The following ST14 variants were observed in gnomAD, a reference collection of about 807,000 sequenced individuals.
The protein encoded by ST14 is suppressor of tumorigenicity 14 protein.
In ST14, 40 loss-of-function variants were observed where a neutral mutation model predicts 96.5. The ratio of observed to expected loss-of-function variants is 0.41; its 90% CI spans 0.32 to 0.54. ST14 has a LOEUF of 0.54. Ranked by LOEUF, ST14 falls within the 20% of genes least tolerant of loss-of-function variation. The probability of loss-of-function intolerance (pLI) is 0.17; values close to 1 mark genes in which losing one functional copy is unlikely to be tolerated. For missense variants in ST14, 1,066 were observed against 1,188.9 expected (o/e 0.90, Z 1.52); for synonymous variants, 506 against 492.1 (o/e 1.03, Z -0.37).
intron 14 of ST14, 138 bp from the exon 15 acceptor site, chr11:130,198,809 A>G: frequency 6.4e-7 from 1 of 1,558,604 alleles, no homozygotes; most frequent in Non-Finnish European, 8.8e-7. Flanking sequence ...CAGGGCAGGG[A>G]GGCCAGTGGG....
At chr11:130,164,718 CTTATTATTATTATTA>C (rs57338069) in intron 1 of ST14, among the ~76,000 whole-genome samples, 6 of 141,590 alleles carry the variant, frequency 4.2e-5, no homozygotes, top group African/African-American at 8.2e-5. Flanking sequence ...CACACCCAGC[CTTATTATTATTATTA>C]TTATTATTAT....
At chr11:130,197,785 G>A in intron 11 of ST14, 56 bp from the exon 12 acceptor site, 1 of 1,441,678 alleles carries the variant, frequency 6.9e-7, no homozygotes, top group Non-Finnish European at 9.4e-7. Flanking sequence ...GGAGCCGGGA[G>A]CCAGCGGAGG....
At chr11:130,206,861 C>T (rs1221205253) in intron 16 of ST14, among the ~76,000 whole-genome samples, 1 of 152,152 alleles carries the variant, frequency 6.6e-6, no homozygotes, top group African/African-American at 2.4e-5. Flanking sequence ...AGCCACCATG[C>T]CCGGCCAGGG....
chr11:130,191,425 C>T (rs766805649), intron 7 of ST14, among the ~76,000 whole-genome samples: 4 of 152,124 alleles, frequency 2.6e-5, no homozygotes, highest in Non-Finnish European at 4.4e-5. Flanking sequence ...CATGGTGGCT[C>T]ACGCCTGTAA....
In ST14 at chr11:130,188,680, C is replaced by A; in HGVS notation, c.369+23C>A. 6.2e-7 allele frequency: 1 copy of A among 1,614,086 alleles called. No homozygotes were observed. Among genetic ancestry groups the A allele is most frequent in the East Asian group, 2.2e-5 (1 of 44,882 alleles). On this transcript the variant is annotated intron_variant, in intron 3 of 18. Transcript: ENST00000278742. This position sits in a 1 kb window ranked among gnomAD's most constrained non-coding sequence, Gnocchi z 5.4. ...GCGGTGAGTGCAGCCTGCCCAGAGT[C>A]CTGCTGGGCTGTGTGCGCTGGTGTC...
intron 7 of ST14, 145 bp downstream of exon 7, chr11:130,190,839 T>A: frequency 8.9e-7 from 1 of 1,124,156 alleles, no homozygotes; most frequent in Non-Finnish European, 1.2e-6. Context: ...GCACGTGTGG[T>A]GTGATCCTCA....
At position 130,190,672 on chromosome 11, in the gene ST14, A is replaced by G. The variant is rs1346095126; in HGVS notation, c.853A>G (p.Met285Val). 6.3e-7 allele frequency: 1 copy of G among 1,596,058 alleles called. No individual in the cohort carries two copies. The highest frequency in any genetic ancestry group is 8.5e-7 in the Non-Finnish European group (1 of 1,172,224). Residue 285 changes from methionine to valine, a missense_variant, in exon 7 of 19, where the codon ATG becomes GTG. Transcript: ENST00000278742. ...LVTVYNTLSP[M>V]EPHALVQLCG... ...GACGGTGTACAACACCCTGAGCCCC[A>G]TGGAGCCCCACGCCCTGGTGCAGTG... is the stretch of plus-strand genomic sequence containing the variant.
At chr11:130,182,798 C>T (rs375096823) in intron 1 of ST14, among the ~76,000 whole-genome samples, 19 of 151,062 alleles carry the variant, frequency 1.3e-4, no homozygotes, top group South Asian at 4.2e-4. Context: ...AACAGGTGTC[C>T]GCCACCACAC....
intron 1 of ST14, among the ~76,000 whole-genome samples, chr11:130,164,633 G>A (rs2136200724): frequency 6.6e-6 from 1 of 151,792 alleles, no homozygotes; most frequent in South Asian, 2.1e-4. Context: ...TGCCCAAGCT[G>A]GTCTTGAACT....
chr11:130,186,779 A>G (rs1953242049), intron 1 of ST14, among the ~76,000 whole-genome samples: 1 of 152,188 alleles, frequency 6.6e-6, no homozygotes, highest in Non-Finnish European at 1.5e-5. Flanking sequence ...TCATAATAGA[A>G]AGTCAGCCGA....
At chr11:130,193,156 A>C (rs951317794) in intron 7 of ST14, among the ~76,000 whole-genome samples, 2 of 147,902 alleles carry the variant, frequency 1.4e-5, no homozygotes, top group Admixed American at 6.8e-5. Context: ...TGGCGCAATC[A>C]TAGCTCACTG....
chr11:130,179,236 T>C (rs984648165), intron 1 of ST14, among the ~76,000 whole-genome samples: 2 of 152,166 alleles, frequency 1.3e-5, no homozygotes, highest in African/African-American at 4.8e-5. Context: ...GAGAGGGGCT[T>C]GGGAATCTGG....
intron 1 of ST14, among the ~76,000 whole-genome samples, chr11:130,166,020 AC>A (rs1953038055): frequency 6.6e-6 from 1 of 152,296 alleles, no homozygotes; most frequent in South Asian, 2.1e-4. Context: ...AGTGGTGATC[AC>A]CCGGTGCCAG....
rs968135902 is a variant in ST14, at chr11:130,160,119, C to A, written c.81+59C>A. The A allele has an allele frequency of 1.7e-5, 21 of 1,222,268 alleles. No homozygotes were observed. The African/African-American group carries it at 3.0e-4, about 18-fold the overall frequency. The allele number at this position is 1,222,268 out of a possible 1,614,324, so 75.7% of individuals were successfully genotyped here. A position where few individuals can be genotyped will look rare whatever the true frequency, so the allele number is the denominator to read the frequency against. ...AGCTCCTGCCCGCCCGACCCTGCAG[C>A]GCGGCGCTGGGCTCGGCCGGCTCCC... is the stretch of plus-strand genomic sequence containing the variant. On this transcript the variant is annotated intron_variant, in intron 1 of 18. Transcript: ENST00000278742.
intron 7 of ST14, among the ~76,000 whole-genome samples, chr11:130,192,239 C>T (rs976216025): frequency 7.2e-5 from 11 of 152,148 alleles, no homozygotes; most frequent in Admixed American, 3.9e-4. Context: ...AACCATCTGC[C>T]GCCACAGCTT....
chr11:130,203,343 T>C (rs1414461536), intron 16 of ST14, among the ~76,000 whole-genome samples: 1 of 152,210 alleles, frequency 6.6e-6, no homozygotes, highest in African/African-American at 2.4e-5. Context: ...CTCTTCTATC[T>C]GCACTGCCAC....
In ST14 at chr11:130,187,460, C is replaced by T. The variant is rs1953248811; in HGVS notation, c.82-654C>T. 6.6e-6 allele frequency among the ~76,000 whole-genome samples: 1 copy of T among 152,224 alleles called. No individual in the cohort carries two copies. Reference sequence around the variant, plus strand: ...CGTGGGTGTGGATTCCCACAGTGGGCCTCTCACTGTGCCTTGAGGTCCTGG... The same window carrying T: ...CGTGGGTGTGGATTCCCACAGTGGGTCTCTCACTGTGCCTTGAGGTCCTGG... On this transcript the variant is annotated intron_variant, in intron 1 of 18. Transcript: ENST00000278742. The surrounding 1 kb of genome is among the most constrained non-coding windows in gnomAD (Gnocchi z 4.5).
chr11:130,190,815 C>T (rs1413215056), intron 7 of ST14, 121 bp downstream of exon 7: 7 of 1,314,714 alleles, frequency 5.3e-6, no homozygotes, highest in Non-Finnish European at 7.1e-6. Context: ...TGCTAAACAT[C>T]CAGGCAGCAG....
Position 130,187,191 on chromosome 11 carries a change from A to AG in ST14, c.82-922dup, listed in dbSNP as rs150442682. On this transcript the variant is annotated intron_variant, in intron 1 of 18. Transcript: ENST00000278742. The surrounding 1 kb of genome is among the most constrained non-coding windows in gnomAD (Gnocchi z 4.5). ...GAGCCGTATTGAGTGGGCGTGAGGTAGTTAAACTGAGAGTGCCACAGTGCC... is the reference window on the plus strand; with the variant it reads ...GAGCCGTATTGAGTGGGCGTGAGGTAGGTTAAACTGAGAGTGCCACAGTGCC... Among the ~76,000 whole-genome samples the AG allele has an allele frequency of 9.1e-3, 1,380 of 152,246 alleles. 23 individuals carry two copies. The highest frequency in any genetic ancestry group is 0.032 in the African/African-American group (1,333 of 41,542).
Sources: allele counts gnomAD v4.1 joint callset (sites outside exome capture counted in the v4.1 genomes callset), GRCh38; gene constraint gnomAD v4.1.1; non-coding constraint Gnocchi (gnomAD v3.1); transcripts MANE v1.5; gene names NCBI Gene and HGNC (gene_info 2026-07-23, HGNC 2026-07-21).